PPTC7: variants seen among roughly 807,000 people sequenced by gnomAD.
PPTC7 encodes protein phosphatase PTC7 homolog.
Under a neutral mutation model 30.8 loss-of-function variants are expected in PPTC7, and 6 were observed. The ratio of observed to expected loss-of-function variants is 0.19; its 90% CI spans 0.11 to 0.38. The LOEUF (loss-of-function observed/expected upper bound fraction) is 0.38, where lower values mean the gene tolerates loss of function less well. PPTC7 is among the 10% of genes least tolerant of loss of function. The pLI, the probability that PPTC7 is intolerant of heterozygous loss-of-function variation, is 1.00. For synonymous variants in PPTC7, 163 were observed against 168.1 expected (o/e 0.97, Z 0.23); for missense variants, 218 against 404.8 (o/e 0.54, Z 3.96).
At chr12:110,539,693 T>G in intron 4 of PPTC7, 129 bp downstream of exon 4, 1 of 849,704 alleles carries the variant, frequency 1.2e-6, no homozygotes, top group Non-Finnish European at 1.8e-6. Flanking sequence ...ACCAGAGCTA[T>G]TATTATTTTC....
At chr12:110,573,378 A>G (rs2064556208) in intron 1 of PPTC7, among the ~76,000 whole-genome samples, 2 of 152,232 alleles carry the variant, frequency 1.3e-5, no homozygotes, top group Non-Finnish European at 2.9e-5. Context: ...CTATACATGC[A>G]GGAGAATATG....
chr12:110,582,991 G>A lies in PPTC7; in HGVS notation c.41C>T (p.Ala14Val), dbSNP rs1213596013. 2.1e-5 allele frequency: 32 copies of A among 1,505,926 alleles called. No homozygotes were observed. Among genetic ancestry groups the A allele is most frequent in the East Asian group, 2.6e-5 (1 of 38,032 alleles). 93.3% of individuals were successfully genotyped at this position (1,505,926 alleles called of 1,614,324 possible). Reference protein sequence around the residue: ...VLSYGRLVARAVLGGLSQTDP... With the variant: ...VLSYGRLVARVVLGGLSQTDP... Reference sequence around the variant, plus strand: ...GGTCTGCGAGAGGCCGCCGAGCACGGCGCGGGCCACCAGCCGCCCGTACGA... The same window carrying A: ...GGTCTGCGAGAGGCCGCCGAGCACGACGCGGGCCACCAGCCGCCCGTACGA... Residue 14 changes from alanine (A) to valine (V), a missense_variant, in exon 1 of 6, where the codon GCC (alanine) becomes GTC (valine). Transcript: ENST00000354300.
chr12:110,572,708 T>C (rs1035692153), intron 1 of PPTC7, among the ~76,000 whole-genome samples: 6 of 152,078 alleles, frequency 3.9e-5, no homozygotes, highest in African/African-American at 7.2e-5. Context: ...CTAGAACTTA[T>C]TCACCTCAAA....
At chr12:110,577,987 T>C (rs1476315586) in intron 1 of PPTC7, among the ~76,000 whole-genome samples, 1 of 152,094 alleles carries the variant, frequency 6.6e-6, no homozygotes, top group African/African-American at 2.4e-5. Context: ...AATTCACATA[T>C]ATCATCAAGA....
intron 1 of PPTC7, among the ~76,000 whole-genome samples, chr12:110,575,864 T>C (rs2064584862): frequency 6.6e-6 from 1 of 152,132 alleles, no homozygotes; most frequent in Non-Finnish European, 1.5e-5. Context: ...GCTCTGAAGC[T>C]ATAACAAATG....
Position 110,582,944 on chromosome 12 carries a change from C to T in PPTC7, c.88G>A (p.Gly30Ser). The part of the protein sequence containing the change: ...SQTDPRAGGG[G>S]GGDYGLVTAG... ...GTCACCAGTCCGTAGTCGCCGCCGC[C>T]GCCGCCGCCGGCCCTGGGGTCGGTC... Residue 30 changes from glycine (G) to serine (S), a missense_variant, in exon 1 of 6, where the codon GGC becomes AGC. Gly to Ser is a moderately conservative substitution (Grantham distance 56). Transcript: ENST00000354300. 1 of 1,542,594 alleles carries T rather than the reference C, an allele frequency of 6.5e-7. No homozygotes were observed.
intron 5 of PPTC7, among the ~76,000 whole-genome samples, chr12:110,537,401 T>C (rs993936595): frequency 1.3e-5 from 2 of 152,174 alleles, no homozygotes; most frequent in Non-Finnish European, 2.9e-5. Context: ...GACGAGAAAG[T>C]TACATGCTTC....
At chr12:110,561,259 A>G (rs1036289300) in intron 1 of PPTC7, among the ~76,000 whole-genome samples, 59 of 152,124 alleles carry the variant, frequency 3.9e-4, no homozygotes, top group African/African-American at 1.1e-3. Flanking sequence ...CAGAGTAGAA[A>G]CTCAATTTCC....
intron 1 of PPTC7, among the ~76,000 whole-genome samples, chr12:110,580,023 C>A (rs561294729): frequency 2.7e-5 from 4 of 150,842 alleles, no homozygotes; most frequent in Non-Finnish European, 4.4e-5. Flanking sequence ...CCGCACCCCC[C>A]ACCCACCAAA....
intron 1 of PPTC7, among the ~76,000 whole-genome samples, chr12:110,575,473 GT>G (rs940930023): frequency 1.4e-4 from 21 of 151,914 alleles, no homozygotes; most frequent in African/African-American, 4.4e-4. Flanking sequence ...ACCCGGTGTA[GT>G]GCTTCTGGTG....
intron 1 of PPTC7, among the ~76,000 whole-genome samples, chr12:110,577,650 C>T (rs1180761963): frequency 1.3e-5 from 2 of 152,144 alleles, no homozygotes; most frequent in Admixed American, 6.5e-5. Context: ...AAAATCCTGA[C>T]CACGATCAAA....
chr12:110,573,838 G>C (rs1052173420), intron 1 of PPTC7, among the ~76,000 whole-genome samples: 5 of 151,946 alleles, frequency 3.3e-5, no homozygotes, highest in Non-Finnish European at 7.4e-5. Flanking sequence ...AAAATTAGTC[G>C]GGTGTGGTGG....
intron 3 of PPTC7, among the ~76,000 whole-genome samples, chr12:110,544,677 T>C (rs2064290461): frequency 6.6e-6 from 1 of 151,990 alleles, no homozygotes; most frequent in Non-Finnish European, 1.5e-5. Flanking sequence ...CTACTAAAAA[T>C]ACAAAAATTA....
chr12:110,538,419 T>A (rs1432579740), intron 4 of PPTC7, 146 bp from the exon 5 acceptor site: 4 of 704,504 alleles, frequency 5.7e-6, no homozygotes, highest in African/African-American at 3.6e-5. Context: ...AAGACTCCAG[T>A]GCTGCCTGCA....
At chr12:110,569,225 C>T (rs774686960) in intron 1 of PPTC7, among the ~76,000 whole-genome samples, 2 of 151,456 alleles carry the variant, frequency 1.3e-5, no homozygotes, top group Non-Finnish European at 2.9e-5. Flanking sequence ...CCCAGCTACA[C>T]GGAAGGCTAA....
At chr12:110,580,711 A>G (rs923262644) in intron 1 of PPTC7, among the ~76,000 whole-genome samples, 4 of 151,696 alleles carry the variant, frequency 2.6e-5, no homozygotes, top group African/African-American at 7.3e-5. Flanking sequence ...CAAATCATCA[A>G]TCAAGTCACG....
At chr12:110,542,378 C>A (rs532550058) in intron 3 of PPTC7, among the ~76,000 whole-genome samples, 7 of 151,386 alleles carry the variant, frequency 4.6e-5, no homozygotes, top group Admixed American at 3.3e-4. Context: ...ATCAAAGAAA[C>A]TGCTCATAGC....
chr12:110,534,796 T>G lies in PPTC7; in HGVS notation c.*2241A>C, dbSNP rs1194862395. 2 of 152,308 alleles carry G rather than the reference T, an allele frequency of 1.3e-5. No homozygotes were observed. The highest frequency in any genetic ancestry group is 4.8e-5 in the African/African-American group (2 of 41,390). The allele number at this position is 152,308 out of a possible 1,614,324, so 9.4% of individuals were successfully genotyped here. ...TCGTTTCTCAAAAAGGTAAGCTGAG[T>G]AAATAAGTTGTATAAAACACCACCA... On this transcript the variant is annotated 3_prime_UTR_variant, in exon 6 of 6. Transcript: ENST00000354300.
chr12:110,582,696 A>T, intron 1 of PPTC7, 113 bp downstream of exon 1: 1 of 903,306 alleles, frequency 1.1e-6, no homozygotes, highest in South Asian at 1.7e-5. Context: ...CGCTCCCTCC[A>T]TGTGAGCGCT....
Sources: gnomAD v4.1 joint callset for allele counts (sites outside exome capture counted in the v4.1 genomes callset) on GRCh38, gnomAD v4.1.1 for gene constraint, MANE v1.5 for transcripts, NCBI Gene and HGNC (gene_info 2026-07-23, HGNC 2026-07-21) for gene names.